The following TRPM2 variants were observed in gnomAD, a reference collection of about 807,000 sequenced individuals.
The protein encoded by TRPM2 is transient receptor potential cation channel subfamily M member 2.
TRPM2 carries 161 observed loss-of-function variants against 174.0 expected under a neutral mutation model. That is an observed-to-expected ratio of 0.93 (90% CI 0.81 to 1.05). The LOEUF (loss-of-function observed/expected upper bound fraction) is 1.05, where lower values mean the gene tolerates loss of function less well. TRPM2 is among the 50% of genes least tolerant of loss of function. TRPM2 has a pLI of 0.00. For missense variants in TRPM2, 2,057 were observed against 2,038.0 expected (o/e 1.01, Z -0.18); for synonymous variants, 954 against 861.3 (o/e 1.11, Z -1.88).
intron 5 of TRPM2, among the ~76,000 whole-genome samples, chr21:44,371,842 C>A (rs1354418097): frequency 6.6e-6 from 1 of 152,172 alleles, no homozygotes; most frequent in African/African-American, 2.4e-5. Context: ...CACACCATTG[C>A]CAGATCTTGG....
At chr21:44,369,395 G>A (rs551927377) in intron 5 of TRPM2, 52 bp downstream of exon 5, 1 of 1,558,852 alleles carries the variant, frequency 6.4e-7, no homozygotes, top group African/African-American at 1.4e-5. Flanking sequence ...TGTGGGTGAG[G>A]TCTGACTGGG....
At position 44,367,043 on chromosome 21, in the gene TRPM2, C is replaced by T. The variant is rs1438436864; in HGVS notation, c.604+109C>T. 9.8e-6 allele frequency: 13 copies of T among 1,320,660 alleles called. No individual in the cohort carries two copies. Among genetic ancestry groups the T allele is most frequent in the Middle Eastern group, 2.7e-4 (1 of 3,670 alleles). 81.8% of individuals were successfully genotyped at this position (1,320,660 alleles called of 1,614,324 possible). ...GACCCAAAAAGTCCCTGGGAGCCGC[C>T]GAGGCTGTGCCCCAGCCTGAGTCGG... On this transcript the variant is annotated intron_variant, in intron 4 of 31. Transcript: ENST00000397928. The surrounding 1 kb of genome is among the most constrained non-coding windows in gnomAD (Gnocchi z 4.6).
intron 8 of TRPM2, among the ~76,000 whole-genome samples, chr21:44,379,450 G>A (rs772716745): frequency 5.3e-5 from 8 of 152,234 alleles, no homozygotes; most frequent in East Asian, 3.9e-4. Context: ...GGCTGGGAAC[G>A]CTGCGGGGCT....
At chr21:44,409,760 G>A (rs1171458173) in intron 19 of TRPM2, among the ~76,000 whole-genome samples, 1 of 147,374 alleles carries the variant, frequency 6.8e-6, no homozygotes, top group Non-Finnish European at 1.5e-5. Context: ...GTGTAGCCTT[G>A]TAGTAAGTTT....
chr21:44,406,983 G>A (rs915717671), intron 19 of TRPM2, among the ~76,000 whole-genome samples: 1 of 150,022 alleles, frequency 6.7e-6, no homozygotes, highest in African/African-American at 2.5e-5. Flanking sequence ...CCTGGTGGGG[G>A]TGAGTGGTGC....
chr21:44,400,511 G>A, intron 15 of TRPM2, 140 bp downstream of exon 15: 1 of 755,992 alleles, frequency 1.3e-6, no homozygotes, highest in South Asian at 1.8e-5. Context: ...TCCTGGGGCT[G>A]TAGAGATGGG....
At chr21:44,353,953 G>C in intron 1 of TRPM2, 88 bp downstream of exon 1, 11 of 1,469,892 alleles carry the variant, frequency 7.5e-6, no homozygotes, top group Non-Finnish European at 9.9e-6. Context: ...GTGACGACGG[G>C]GGTGGGAAAG....
At chr21:44,351,857 G>A (rs2047931402), upstream of TRPM2, among the ~76,000 whole-genome samples, 1 of 152,226 alleles carries the variant, frequency 6.6e-6, no homozygotes, top group African/African-American at 2.4e-5. Context: ...TGGGATTAGA[G>A]GAACCTGCAC....
At chr21:44,375,613 T>C (rs2048675152) in intron 5 of TRPM2, among the ~76,000 whole-genome samples, 1 of 152,226 alleles carries the variant, frequency 6.6e-6, no homozygotes, top group Non-Finnish European at 1.5e-5. Flanking sequence ...ACCACCTCTC[T>C]CCTGTAAGGA....
intron 27 of TRPM2, among the ~76,000 whole-genome samples, chr21:44,431,374 A>G (rs942029270): frequency 2.0e-5 from 3 of 151,852 alleles, no homozygotes. Flanking sequence ...CCTGGGCTCA[A>G]GCTATCCTCC....
rs1466526750 is a variant in TRPM2, at chr21:44,414,091, G to C, written c.3146+17G>C. The stretch of plus-strand genomic sequence containing the variant: ...CATGTTCAAGTGAGCGCCTGGGTGG[G>C]GCTGGCGTGCAGGTGGGTGGGTGGG... On this transcript the variant is annotated intron_variant, in intron 20 of 31. Coordinates refer to ENST00000397928, the MANE Select transcript of TRPM2 (RefSeq NM_003307.4). 6.2e-7 allele frequency: 1 copy of C among 1,604,352 alleles called. No homozygotes were observed. The highest frequency in any genetic ancestry group is 1.1e-5 in the South Asian group (1 of 90,926).
At position 44,390,977 on chromosome 21, in the gene TRPM2, C is replaced by A; in HGVS notation, c.1392C>A (p.Arg464=). ...TGAAACTGGCAGTGGCATGGAATCG[C>A]GTGGACATTGCCCGCAGTGAGATCT... is the stretch of plus-strand genomic sequence containing the variant. The part of the protein sequence containing the change: ...HQLKLAVAWN[R]VDIARSEIFM... Residue 464 remains arginine, a synonymous_variant, in exon 10 of 32, where the codon CGC becomes CGA. Coordinates refer to ENST00000397928, the MANE Select transcript of TRPM2 (RefSeq NM_003307.4). The A allele has an allele frequency of 6.2e-7, 1 of 1,614,082 alleles. No individual in the cohort carries two copies. The highest frequency in any genetic ancestry group is 8.5e-7 in the Non-Finnish European group (1 of 1,180,026).
At chr21:44,417,670 GCT>G (rs1410696721) in intron 20 of TRPM2, among the ~76,000 whole-genome samples, 1 of 129,780 alleles carries the variant, frequency 7.7e-6, no homozygotes, top group Non-Finnish European at 1.6e-5. Context: ...GCGTGGCTCT[GCT>G]CTCTGTGGCA....
intron 27 of TRPM2, 97 bp from the exon 28 acceptor site, chr21:44,435,034 C>A: frequency 8.1e-7 from 1 of 1,228,276 alleles, no homozygotes; most frequent in Non-Finnish European, 1.2e-6. Context: ...TGTGCGCCGG[C>A]TCCTGACGCC....
chr21:44,405,311 A>G (rs2049830258), intron 17 of TRPM2, 51 bp downstream of exon 17: 2 of 1,605,314 alleles, frequency 1.2e-6, no homozygotes, highest in African/African-American at 1.3e-5. Context: ...CCAGCCCTGC[A>G]GGGGATGAGC....
Position 44,391,599 on chromosome 21 carries a change from C to T in TRPM2, c.1768C>T (p.Leu590=), listed in dbSNP as rs763771004. 8.2e-6 allele frequency: 13 copies of T among 1,582,820 alleles called. No individual in the cohort carries two copies. In the African/African-American group the frequency reaches 1.3e-4, roughly 16 times the overall value. The change falls in exon 11 of 32, where the codon CTG becomes TTG. Residue 590 remains leucine (L), a synonymous_variant. Coordinates refer to ENST00000397928, the MANE Select transcript of TRPM2 (RefSeq NM_003307.4). This position sits in a 1 kb window ranked among gnomAD's most constrained non-coding sequence, Gnocchi z 5.0. ...GCACAACGACCGGCTGCGGCTCCTGCTGCCCGTTCCCCACGTCAAGCTCAA... is the reference window on the plus strand; with the variant it reads ...GCACAACGACCGGCTGCGGCTCCTGTTGCCCGTTCCCCACGTCAAGCTCAA... ...PRHNDRLRLL[L]PVPHVKLNVQ...
Position 44,390,912 on chromosome 21 carries a change from A to G in TRPM2, c.1327A>G (p.Ser443Gly), listed in dbSNP as rs200070684. 8.0e-5 allele frequency: 129 copies of G among 1,613,938 alleles called. No homozygotes were observed. Among genetic ancestry groups the G allele is most frequent in the Middle Eastern group, 4.9e-4 (3 of 6,076 alleles). ...ILQALLKASR[S>G]QDHFGHENWD... ...CACCTGTTCATCTGCAGCCTCACGG[A>G]GCCAAGACCACTTTGGCCACGAGAA... The change falls in exon 10 of 32, where the codon AGC becomes GGC. Residue 443 changes from serine (S) to glycine (G), a missense_variant. By Grantham distance (56) the Ser-to-Gly change is moderately conservative. Transcript: ENST00000397928.
intron 22 of TRPM2, among the ~76,000 whole-genome samples, chr21:44,419,765 TGG>T: frequency 6.6e-6 from 1 of 151,464 alleles, no homozygotes; most frequent in Non-Finnish European, 1.5e-5. Context: ...GCAGTGGTGG[TGG>T]TGGTGGTGGT....
At chr21:44,402,947 G>C (rs903064981) in intron 16 of TRPM2, among the ~76,000 whole-genome samples, 2 of 152,168 alleles carry the variant, frequency 1.3e-5, no homozygotes, top group Non-Finnish European at 2.9e-5. Context: ...AAAGCAGTGT[G>C]CACTGTGTAA....
Sources: gnomAD v4.1 joint callset for allele counts (sites outside exome capture counted in the v4.1 genomes callset) on GRCh38, gnomAD v4.1.1 for gene constraint, Gnocchi (gnomAD v3.1) non-coding constraint, MANE v1.5 for transcripts, NCBI Gene and HGNC (gene_info 2026-07-23, HGNC 2026-07-21) for gene names.